TMEM131: variants seen among roughly 807,000 people sequenced by gnomAD.
The protein encoded by TMEM131 is transmembrane protein 131, also known as 2610524E03Rik.
A neutral mutation model predicts 211.6 loss-of-function variants in TMEM131; 66 were observed. That is an observed-to-expected ratio of 0.31 (90% confidence interval 0.26 to 0.38). The LOEUF is 0.38. Ranked by LOEUF, TMEM131 falls within the 10% of genes least tolerant of loss-of-function variation. The pLI is 1.00. For missense variants in TMEM131, 2,036 were observed against 2,299.3 expected (o/e 0.89, Z 2.34); for synonymous variants, 844 against 841.3 (o/e 1.00, Z -0.06).
At chr2:97,823,429 G>T (rs939156181) in intron 11 of TMEM131, among the ~76,000 whole-genome samples, 20 of 152,164 alleles carry the variant, frequency 1.3e-4, no homozygotes, top group Non-Finnish European at 4.4e-5. Context: ...GCAAACCTTT[G>T]ATCTCACTTG....
intron 11 of TMEM131, among the ~76,000 whole-genome samples, chr2:97,825,877 T>C (rs929300603): frequency 3.3e-5 from 5 of 152,202 alleles, no homozygotes; most frequent in African/African-American, 1.2e-4. Context: ...GGACTACTCA[T>C]GATGTAAATG....
intron 1 of TMEM131, among the ~76,000 whole-genome samples, chr2:97,968,575 C>A (rs1679157769): frequency 2.0e-5 from 3 of 152,054 alleles, no homozygotes; most frequent in Admixed American, 6.6e-5. Context: ...AATGTTCAGA[C>A]AAAAACATAA....
chr2:97,978,561 T>G (rs1159425209), intron 1 of TMEM131, among the ~76,000 whole-genome samples: 1 of 152,100 alleles, frequency 6.6e-6, no homozygotes, highest in Non-Finnish European at 1.5e-5. Flanking sequence ...ATTTTTGTAG[T>G]TTTTGTAGAG....
intron 31 of TMEM131, among the ~76,000 whole-genome samples, chr2:97,788,075 T>C (rs1407222747): frequency 6.6e-6 from 1 of 152,182 alleles, no homozygotes; most frequent in Admixed American, 6.5e-5. Flanking sequence ...ACCGCTCTCC[T>C]GCCAGCACTC....
At chr2:97,990,736 A>G (rs1469382481) in intron 1 of TMEM131, among the ~76,000 whole-genome samples, 1 of 152,208 alleles carries the variant, frequency 6.6e-6, no homozygotes, top group Non-Finnish European at 1.5e-5. Context: ...TCTGCACCAG[A>G]ACTGAATTTT....
At chr2:97,868,113 C>A (rs1190867232) in intron 4 of TMEM131, among the ~76,000 whole-genome samples, 1 of 152,056 alleles carries the variant, frequency 6.6e-6, no homozygotes. Context: ...ATGCATATTT[C>A]GAGTTGTTAT....
intron 4 of TMEM131, among the ~76,000 whole-genome samples, chr2:97,869,016 T>C (rs1674385791): frequency 6.6e-6 from 1 of 152,190 alleles, no homozygotes; most frequent in Non-Finnish European, 1.5e-5. Context: ...TCAAGCTTCA[T>C]ATAGACATTT....
Position 97,995,412 on chromosome 2 carries a change from C to T in TMEM131, c.187+64G>A. ...CGCGGCCCTTCCTCCCGGCCCAGCCCTCCCGGCCTCCGCGAGAGCGGGGTG... is the reference window on the plus strand; with the variant it reads ...CGCGGCCCTTCCTCCCGGCCCAGCCTTCCCGGCCTCCGCGAGAGCGGGGTG... On this transcript the variant is annotated intron_variant, in intron 1 of 40. Transcript: ENST00000186436. The T allele has an allele frequency of 2.3e-6, 3 of 1,298,800 alleles. No homozygotes were observed. The South Asian group carries it at 6.6e-5, about 29-fold the overall frequency. The allele number at this position is 1,298,800 out of a possible 1,614,324, so 80.5% of individuals were successfully genotyped here. A position where few individuals can be genotyped will look rare whatever the true frequency, so the allele number is the denominator to read the frequency against.
intron 3 of TMEM131, among the ~76,000 whole-genome samples, chr2:97,901,357 A>G (rs1203299666): frequency 6.6e-6 from 1 of 152,080 alleles, no homozygotes; most frequent in East Asian, 1.9e-4. Context: ...GGTCTTAGAT[A>G]TAAGTCTTTA....
At chr2:97,867,060 T>C (rs181225552) in intron 4 of TMEM131, among the ~76,000 whole-genome samples, 2 of 152,352 alleles carry the variant, frequency 1.3e-5, no homozygotes, top group East Asian at 3.9e-4. Context: ...TCAGCCTGTA[T>C]TGTTTAAATC....
intron 1 of TMEM131, among the ~76,000 whole-genome samples, chr2:97,937,343 A>C (rs1211030091): frequency 1.3e-5 from 2 of 152,158 alleles, no homozygotes; most frequent in African/African-American, 4.8e-5. Context: ...AGCAAACTCA[A>C]AAATAGGTTG....
intron 1 of TMEM131, among the ~76,000 whole-genome samples, chr2:97,972,657 A>C (rs1184531038): frequency 2.0e-5 from 3 of 152,140 alleles, no homozygotes; most frequent in African/African-American, 7.2e-5. Flanking sequence ...GGCAAAGGGG[A>C]ATTAAGCTCC....
At position 97,792,945 on chromosome 2, in the gene TMEM131, C is replaced by A. The variant is rs746752831; in HGVS notation, c.3585G>T (p.Gly1195=). The A allele has an allele frequency of 5.6e-6, 9 of 1,604,994 alleles. No homozygotes were observed. The East Asian group carries it at 1.3e-4, about 24-fold the overall frequency. The change falls in exon 31 of 41, where the codon GGG becomes GGT. Residue 1195 remains glycine (G), a synonymous_variant. Transcript: ENST00000186436. ...ATGATGAACCGCCTGCTCCACAGAA[C>A]CCCCTACTGTGACCGGGGTCACAGC... The part of the protein sequence containing the change: ...TLSCDPGHSR[G]FCGAGGSSSR...
intron 2 of TMEM131, among the ~76,000 whole-genome samples, chr2:97,924,680 TA>T (rs956924515): frequency 1.5e-4 from 23 of 152,256 alleles, no homozygotes; most frequent in Admixed American, 1.2e-3. Context: ...CAGAAATTTT[TA>T]AAGCTCTCAA....
rs182754187 is a variant in TMEM131, at chr2:97,952,331, C to T, written c.188-24844G>A. ...TTGAAAAATTAATACAGGAAAACTT[C>T]CCAAATTTGGTGAAAGACATAAACT... On this transcript the variant is annotated intron_variant, in intron 1 of 40. Coordinates refer to ENST00000186436, the MANE Select transcript of TMEM131 (RefSeq NM_015348.2). 2.4e-3 allele frequency among the ~76,000 whole-genome samples: 364 copies of T among 152,128 alleles called. 2 individuals carry two copies. The highest frequency in any genetic ancestry group is 6.8e-3 in the Middle Eastern group (2 of 294).
chr2:97,922,661 C>T lies in TMEM131; in HGVS notation c.249+4765G>A, dbSNP rs549332961. Among the ~76,000 whole-genome samples, 8 of 152,122 alleles carry T rather than the reference C, an allele frequency of 5.3e-5. 1 individual carries two copies. The South Asian group carries it at 1.5e-3, about 28-fold the overall frequency. On this transcript the variant is annotated intron_variant, in intron 2 of 40. Transcript: ENST00000186436. ...TATGAACTTCAAAAAATATGTGACC[C>T]TGTAGTATTTAGAGATATACACTCA...
chr2:97,928,555 T>A (rs1677084096), intron 1 of TMEM131, among the ~76,000 whole-genome samples: 1 of 151,798 alleles, frequency 6.6e-6, no homozygotes, highest in South Asian at 2.1e-4. Context: ...GTATTACAAA[T>A]GAATGAATCA....
intron 1 of TMEM131, among the ~76,000 whole-genome samples, chr2:97,969,627 G>A (rs961006019): frequency 6.6e-6 from 1 of 152,144 alleles, no homozygotes; most frequent in African/African-American, 2.4e-5. Flanking sequence ...ATTCTGCTAT[G>A]AGTCAAAAAC....
At chr2:97,994,793 G>A (rs1008223563) in intron 1 of TMEM131, among the ~76,000 whole-genome samples, 2 of 152,012 alleles carry the variant, frequency 1.3e-5, no homozygotes, top group Non-Finnish European at 2.9e-5. Flanking sequence ...TTAAAATAGG[G>A]GCCAGCCCTT....
Sources: gnomAD v4.1 joint callset for allele counts (sites outside exome capture counted in the v4.1 genomes callset) on GRCh38, gnomAD v4.1.1 for gene constraint, MANE v1.5 for transcripts, NCBI Gene and HGNC (gene_info 2026-07-23, HGNC 2026-07-21) for gene names.